WASHC3: variants seen among roughly 807,000 people sequenced by gnomAD.
WASHC3 encodes the protein WASH complex subunit 3, also known as WASH complex subunit CCDC53.
WASHC3 carries 24 observed loss-of-function variants against 26.1 expected under a neutral mutation model. The observed-to-expected ratio is 0.92, with a 90% CI of 0.66 to 1.29. The LOEUF is 1.29. Ranked by LOEUF, WASHC3 falls within the 50% of genes most tolerant of loss-of-function variation. The pLI, the probability that WASHC3 is intolerant of heterozygous loss-of-function variation, is 0.00. For missense variants in WASHC3, 214 were observed against 229.6 expected, an observed-to-expected ratio of 0.93 and a Z score of 0.44; for synonymous variants, 77 against 75.7, an observed-to-expected ratio of 1.02 and a Z score of -0.09.
At chr12:102,060,426 C>T (rs932260065) in intron 2 of WASHC3, among the ~76,000 whole-genome samples, 1 of 152,142 alleles carries the variant, frequency 6.6e-6, no homozygotes, top group African/African-American at 2.4e-5. Context: ...ATTACAGGTG[C>T]GCACTGCTGT....
intron 5 of WASHC3, among the ~76,000 whole-genome samples, chr12:102,039,157 A>G (rs1334037779): frequency 3.9e-5 from 5 of 128,916 alleles, no homozygotes; most frequent in African/African-American, 1.5e-4. Context: ...TTTTTAATGT[A>G]GAAGTAGGTG....
chr12:102,050,654 AAAAG>A, intron 2 of WASHC3: 1 of 438,030 alleles, frequency 2.3e-6, no homozygotes, highest in Non-Finnish European at 4.5e-6. Context: ...GGGGGAAAAG[AAAAG>A]AAAAAAAAAT....
In WASHC3 at chr12:102,012,968, AT is replaced by A; in HGVS notation, c.*139del. 2 of 506,982 alleles carry A rather than the reference AT, an allele frequency of 3.9e-6. No individual in the cohort carries two copies. Among genetic ancestry groups the A allele is most frequent in the South Asian group, 3.1e-5 (1 of 32,254 alleles). The allele number at this position is 506,982 out of a possible 1,614,324, so 31.4% of individuals were successfully genotyped here. ...GGCAGGTTAAAACTGCTTTATTATTATTTTTTTAACATAGAAGAAGCTTGGT... is the reference window on the plus strand; with the variant it reads ...GGCAGGTTAAAACTGCTTTATTATTATTTTTTAACATAGAAGAAGCTTGGT... On this transcript the variant is annotated 3_prime_UTR_variant, in exon 7 of 7. Transcript: ENST00000240079.
intron 2 of WASHC3, among the ~76,000 whole-genome samples, chr12:102,053,835 CTT>C (rs544125307): frequency 3.6e-4 from 55 of 152,080 alleles, no homozygotes; most frequent in Middle Eastern, 3.4e-3. Context: ...GATTAAATCA[CTT>C]ATATCTTTAG....
chr12:102,060,996 T>G (rs886554495), intron 2 of WASHC3, among the ~76,000 whole-genome samples: 1 of 150,990 alleles, frequency 6.6e-6, no homozygotes, highest in Admixed American at 6.6e-5. Context: ...GATTTCCTAT[T>G]GTTCCCTTTA....
intron 6 of WASHC3, among the ~76,000 whole-genome samples, chr12:102,022,350 C>T (rs1481399912): frequency 2.0e-5 from 3 of 152,176 alleles, no homozygotes; most frequent in Non-Finnish European, 4.4e-5. Flanking sequence ...CATATTCCTC[C>T]ATTAAAACAT....
intron 5 of WASHC3, among the ~76,000 whole-genome samples, chr12:102,030,295 C>CAAAA (rs57056667): frequency 0.026 from 2,287 of 89,052 alleles, 24 homozygotes; most frequent in Middle Eastern, 0.044. Flanking sequence ...AACTCCATCT[C>CAAAA]AAAAAAAAAA....
chr12:102,038,826 G>A (rs1289611811), intron 5 of WASHC3, among the ~76,000 whole-genome samples: 4 of 152,028 alleles, frequency 2.6e-5, no homozygotes, highest in Admixed American at 6.6e-5. Context: ...TACTCTTTCT[G>A]GTTGTCAGAA....
intron 5 of WASHC3, among the ~76,000 whole-genome samples, chr12:102,039,455 A>C (rs1877843936): frequency 6.6e-6 from 1 of 152,142 alleles, no homozygotes; most frequent in South Asian, 2.1e-4. Context: ...TATAATATTA[A>C]AAGCATTACA....
At position 102,046,089 on chromosome 12, in the gene WASHC3, G is replaced by T; in HGVS notation, c.181C>A (p.Gln61Lys). The T allele has an allele frequency of 6.3e-7, 1 of 1,597,144 alleles. No homozygotes were observed. The highest frequency in any genetic ancestry group is 8.6e-7 in the Non-Finnish European group (1 of 1,168,990). ...KLADLSLRIQ[Q>K]IETTLNILDA... is the part of the protein sequence containing the mutation. ...AAAATATTGAGAGTTGTTTCAATTT[G>T]TTGGATACGAAGTGAAAGGTCTGCC... is the stretch of plus-strand genomic sequence containing the variant. The change falls in exon 3 of 7, where the codon CAA (glutamine) becomes AAA (lysine). Residue 61 changes from glutamine to lysine, a missense_variant. Coordinates refer to ENST00000240079, the MANE Select transcript of WASHC3 (RefSeq NM_016053.4).
intron 6 of WASHC3, among the ~76,000 whole-genome samples, chr12:102,020,563 T>C (rs1296956784): frequency 6.6e-6 from 1 of 152,224 alleles, no homozygotes; most frequent in East Asian, 1.9e-4. Flanking sequence ...AAAACATGTA[T>C]GATAAAGAGT....
intron 2 of WASHC3, among the ~76,000 whole-genome samples, chr12:102,057,411 G>A (rs1435580321): frequency 1.3e-5 from 2 of 151,956 alleles, no homozygotes; most frequent in Non-Finnish European, 2.9e-5. Context: ...AGAAGTCCTA[G>A]CTATAGTAAT....
chr12:102,037,929 G>A (rs936150433), intron 5 of WASHC3, among the ~76,000 whole-genome samples: 1 of 151,966 alleles, frequency 6.6e-6, no homozygotes, highest in Admixed American at 6.6e-5. Flanking sequence ...CCGAGTAGCT[G>A]GGATTACAGG....
upstream of WASHC3, chr12:102,062,107 A>AATC: frequency 1.6e-6 from 1 of 644,014 alleles, no homozygotes; most frequent in South Asian, 1.9e-5. Flanking sequence ...TCCGCTCACT[A>AATC]ATCACTCGGC....
chr12:102,057,509 T>G (rs1030324798), intron 2 of WASHC3, among the ~76,000 whole-genome samples: 1 of 152,068 alleles, frequency 6.6e-6, no homozygotes, highest in Non-Finnish European at 1.5e-5. Flanking sequence ...TCTTATATAT[T>G]GAAAATCTTA....
chr12:102,025,958 T>G lies in WASHC3; in HGVS notation c.500+16A>C. 8.0e-7 allele frequency: 1 copy of G among 1,252,616 alleles called. No individual in the cohort carries two copies. The highest frequency in any genetic ancestry group is 1.1e-6 in the Non-Finnish European group (1 of 883,304). 77.6% of individuals were successfully genotyped at this position (1,252,616 alleles called of 1,614,324 possible). A position where few individuals can be genotyped will look rare whatever the true frequency, so the allele number is the denominator to read the frequency against. On this transcript the variant is annotated intron_variant, in intron 6 of 6. Coordinates refer to ENST00000240079, the MANE Select transcript of WASHC3 (RefSeq NM_016053.4). ...TGTCCTGGCAATAATATCATTATAT[T>G]AGAAGAATTACTTACTCAAGAAGAT... is the stretch of plus-strand genomic sequence containing the variant.
chr12:102,039,794 T>A lies in WASHC3; in HGVS notation c.435+74A>T, dbSNP rs78822651. ...AGCAGTTTTCTCAGATTGAAAAAAA[T>A]AACAGTAAAACCTCCAGGGTTAAGA... On this transcript the variant is annotated intron_variant, in intron 5 of 6. Coordinates refer to ENST00000240079, the MANE Select transcript of WASHC3 (RefSeq NM_016053.4). 7,035 of 604,062 alleles carry A rather than the reference T, an allele frequency of 0.012. 402 individuals carry two copies. The African/African-American group carries it at 0.12, about 10-fold the overall frequency. 37.4% of individuals were successfully genotyped at this position (604,062 alleles called of 1,614,324 possible). A position where few individuals can be genotyped will look rare whatever the true frequency, so the allele number is the denominator to read the frequency against.
intron 1 of WASHC3, among the ~76,000 whole-genome samples, 198 bp from the exon 2 acceptor site, chr12:102,061,544 A>G (rs1172067207): frequency 6.6e-6 from 1 of 152,238 alleles, no homozygotes; most frequent in Non-Finnish European, 1.5e-5. Flanking sequence ...GTTTGAGAAC[A>G]GGCTCTAGAC....
At chr12:102,025,686 A>G (rs78361071) in intron 6 of WASHC3, among the ~76,000 whole-genome samples, 5 of 137,038 alleles carry the variant, frequency 3.6e-5, no homozygotes, top group South Asian at 4.6e-4. Flanking sequence ...CACAAAAAGG[A>G]AAAAAAAAAA....
Sources: gnomAD v4.1 joint callset for allele counts (sites outside exome capture counted in the v4.1 genomes callset) on GRCh38, gnomAD v4.1.1 for gene constraint, MANE v1.5 for transcripts, NCBI Gene and HGNC (gene_info 2026-07-23, HGNC 2026-07-21) for gene names.